The following MACROD2 variants were observed in gnomAD, a reference collection of about 807,000 sequenced individuals.
The protein encoded by MACROD2 is mono-ADP ribosylhydrolase 2, also known as ADP-ribose glycohydrolase MACROD2.
In MACROD2, 36 loss-of-function variants were observed where a neutral mutation model predicts 70.4. The ratio of observed to expected loss-of-function variants is 0.51; its 90% CI spans 0.39 to 0.68. MACROD2 has a LOEUF of 0.68. Ranked by LOEUF, MACROD2 falls within the 30% of genes least tolerant of loss-of-function variation. The pLI, the probability that MACROD2 is intolerant of heterozygous loss-of-function variation, is 0.00. For missense variants in MACROD2, 496 were observed against 538.4 expected (o/e 0.92, Z 0.78); for synonymous variants, 172 against 178.8 (o/e 0.96, Z 0.30).
intron 6 of MACROD2, among the ~76,000 whole-genome samples, chr20:15,242,554 CTCT>C (rs1008002663): frequency 1.3e-5 from 2 of 152,084 alleles, no homozygotes; most frequent in South Asian, 2.1e-4. Flanking sequence ...GAAGTGTTAT[CTCT>C]TCTTCTATTT....
At chr20:15,217,353 A>G (rs2076819793) in intron 5 of MACROD2, among the ~76,000 whole-genome samples, 1 of 152,108 alleles carries the variant, frequency 6.6e-6, no homozygotes, top group South Asian at 2.1e-4. Context: ...ATAATACATA[A>G]TTTATTCCCC....
At chr20:15,055,945 CA>C (rs2075481641) in intron 5 of MACROD2, among the ~76,000 whole-genome samples, 1 of 152,014 alleles carries the variant, frequency 6.6e-6, no homozygotes, top group Admixed American at 6.6e-5. Context: ...CACCACCATG[CA>C]CAGCTAATTT....
intron 3 of MACROD2, among the ~76,000 whole-genome samples, chr20:14,218,742 C>G (rs142816674): frequency 1.4e-3 from 214 of 152,314 alleles, no homozygotes; most frequent in Non-Finnish European, 2.6e-3. Flanking sequence ...ATGGCAAATT[C>G]TCTCAGCATT....
intron 8 of MACROD2, among the ~76,000 whole-genome samples, chr20:15,799,828 T>C (rs2063707943): frequency 6.6e-6 from 1 of 152,224 alleles, no homozygotes; most frequent in Non-Finnish European, 1.5e-5. Flanking sequence ...TGCTATATCA[T>C]ATGGTAGTTC....
At chr20:14,277,365 G>T (rs986334419) in intron 3 of MACROD2, among the ~76,000 whole-genome samples, 2 of 152,160 alleles carry the variant, frequency 1.3e-5, no homozygotes, top group African/African-American at 4.8e-5. Context: ...GTTGAGAATC[G>T]CTTGAACCCA....
At chr20:15,948,382 C>CA (rs71192307) in intron 12 of MACROD2, among the ~76,000 whole-genome samples, 2,553 of 43,104 alleles carry the variant, frequency 0.059, 261 homozygotes, top group Non-Finnish European at 0.08. Flanking sequence ...CTTGCAACTG[C>CA]AAAAAAAAAA....
At chr20:14,720,536 CTTTTTTTTTTTTTTTTTTT>C (rs753673265) in intron 5 of MACROD2, among the ~76,000 whole-genome samples, 9 of 35,926 alleles carry the variant, frequency 2.5e-4, no homozygotes, top group Non-Finnish European at 3.4e-4. Context: ...TGCCCCACAA[CTTTTTTTTTTTTTTTTTTT>C]TTTTTTTTTT....
intron 8 of MACROD2, among the ~76,000 whole-genome samples, chr20:15,668,352 G>A (rs542418436): frequency 1.1e-3 from 161 of 152,094 alleles, no homozygotes; most frequent in Non-Finnish European, 2.0e-3. Flanking sequence ...CAGATCACCT[G>A]AGGTCGGGGG....
intron 4 of MACROD2, among the ~76,000 whole-genome samples, chr20:14,645,028 G>A (rs1664480549): frequency 6.6e-6 from 1 of 152,080 alleles, no homozygotes; most frequent in Admixed American, 6.6e-5. Flanking sequence ...TATTTGCACA[G>A]GGGTAATGAT....
chr20:14,568,554 A>G (rs1359387803), intron 4 of MACROD2, among the ~76,000 whole-genome samples: 1 of 152,052 alleles, frequency 6.6e-6, no homozygotes, highest in African/African-American at 2.4e-5. Flanking sequence ...AACTTACTCA[A>G]ATAGTTTAAT....
chr20:14,838,211 C>T (rs2073051155), intron 5 of MACROD2, among the ~76,000 whole-genome samples: 1 of 151,874 alleles, frequency 6.6e-6, no homozygotes, highest in Non-Finnish European at 1.5e-5. Context: ...AAATTCAGTG[C>T]CCAGAAAGAT....
chr20:15,508,856 T>A (rs1484255584), intron 8 of MACROD2, among the ~76,000 whole-genome samples: 2 of 152,188 alleles, frequency 1.3e-5, no homozygotes, highest in African/African-American at 4.8e-5. Context: ...TGTCCCAGAT[T>A]TGAGGGCAGT....
chr20:14,033,170 T>C (rs918131121), intron 2 of MACROD2, among the ~76,000 whole-genome samples: 1 of 151,654 alleles, frequency 6.6e-6, no homozygotes, highest in African/African-American at 2.4e-5. Flanking sequence ...TTAGTTTTTT[T>C]CCCCCCAGAT....
rs768988550 is a variant in MACROD2, at chr20:14,451,262, C to T, written c.272-42217C>T. 3.5e-4 allele frequency among the ~76,000 whole-genome samples: 53 copies of T among 151,950 alleles called. 1 individual carries two copies. Among genetic ancestry groups the T allele is most frequent in the Non-Finnish European group, 5.0e-4 (34 of 68,002 alleles). On this transcript the variant is annotated intron_variant, in intron 3 of 17. Coordinates refer to ENST00000684519, the MANE Select transcript of MACROD2 (RefSeq NM_001351661.2). ...TTTGAGACCAGCCAGGCCAATATGGCGAAACCCTGTCTCTACTAAAAACAG... is the reference window on the plus strand; with the variant it reads ...TTTGAGACCAGCCAGGCCAATATGGTGAAACCCTGTCTCTACTAAAAACAG...
At chr20:14,868,001 G>T (rs2073446320) in intron 5 of MACROD2, among the ~76,000 whole-genome samples, 1 of 151,950 alleles carries the variant, frequency 6.6e-6, no homozygotes, top group Non-Finnish European at 1.5e-5. Flanking sequence ...TGAAGAATTT[G>T]TTGCTGTCAT....
At position 14,727,149 on chromosome 20, in the gene MACROD2, AC is replaced by A. The variant is rs1384824991; in HGVS notation, c.418+42192del. On this transcript the variant is annotated intron_variant, in intron 5 of 17. Coordinates refer to ENST00000684519, the MANE Select transcript of MACROD2 (RefSeq NM_001351661.2). The stretch of plus-strand genomic sequence containing the variant: ...CATGCAGGATACCAGAAATACTCTT[AC>A]CAGTAAACTTCCATTGAAAATCTGG... Among the ~76,000 whole-genome samples, 4 of 152,172 alleles carry A rather than the reference AC, an allele frequency of 2.6e-5. No individual in the cohort carries two copies. In the East Asian group the frequency reaches 7.7e-4, roughly 29 times the overall value.
intron 5 of MACROD2, among the ~76,000 whole-genome samples, chr20:14,954,962 T>C (rs1163845370): frequency 8.3e-5 from 1 of 12,116 alleles, no homozygotes; most frequent in East Asian, 2.0e-3. Flanking sequence ...TATATATAAT[T>C]TATATTTTAT....
chr20:14,857,987 A>G (rs762348133), intron 5 of MACROD2, among the ~76,000 whole-genome samples: 2 of 151,818 alleles, frequency 1.3e-5, no homozygotes, highest in Non-Finnish European at 2.9e-5. Flanking sequence ...CGCATGGCTA[A>G]TTTTTGTATT....
intron 5 of MACROD2, among the ~76,000 whole-genome samples, chr20:14,896,316 TA>T (rs1184429099): frequency 4.0e-5 from 6 of 151,740 alleles, no homozygotes; most frequent in African/African-American, 1.2e-4. Context: ...TAAATAAAAT[TA>T]AAAAAAATTG....
Sources: gnomAD v4.1 joint callset for allele counts (sites outside exome capture counted in the v4.1 genomes callset) on GRCh38, gnomAD v4.1.1 for gene constraint, MANE v1.5 for transcripts, NCBI Gene and HGNC (gene_info 2026-07-23, HGNC 2026-07-21) for gene names.